The following DLG2 variants were observed in gnomAD, a reference collection of about 807,000 sequenced individuals.
The protein encoded by DLG2 is disks large homolog 2.
In DLG2, 45 loss-of-function variants were observed where a neutral mutation model predicts 132.5. The ratio of observed to expected loss-of-function variants is 0.34; its 90% CI spans 0.27 to 0.44. The LOEUF is 0.44. DLG2 is among the 20% of genes least tolerant of loss of function. DLG2 has a pLI of 1.00. For synonymous variants in DLG2, 424 were observed against 419.6 expected (o/e 1.01, Z -0.13); for missense variants, 1,045 against 1,196.9 (o/e 0.87, Z 1.87).
intron 6 of DLG2, among the ~76,000 whole-genome samples, chr11:84,535,488 T>C (rs1209565799): frequency 6.6e-6 from 1 of 152,210 alleles, no homozygotes; most frequent in Non-Finnish European, 1.5e-5. Flanking sequence ...CCATCTTGCT[T>C]ACACATGACT....
chr11:84,172,815 T>G (rs2095855248), intron 8 of DLG2, among the ~76,000 whole-genome samples: 1 of 152,162 alleles, frequency 6.6e-6, no homozygotes, highest in South Asian at 2.1e-4. Context: ...GTGCTGGGAT[T>G]ACAGGTGTGA....
chr11:84,274,092 A>G (rs1197458083), intron 7 of DLG2, among the ~76,000 whole-genome samples: 2 of 152,218 alleles, frequency 1.3e-5, no homozygotes, highest in African/African-American at 2.4e-5. Flanking sequence ...AGAAATATGC[A>G]TGTGCACTTC....
At chr11:85,097,366 G>A (rs1266364788) in intron 6 of DLG2, among the ~76,000 whole-genome samples, 2 of 152,092 alleles carry the variant, frequency 1.3e-5, no homozygotes, top group African/African-American at 4.8e-5. Context: ...CCTAACAAAA[G>A]TTCTCCAAGT....
intron 7 of DLG2, among the ~76,000 whole-genome samples, chr11:84,523,013 A>G (rs554309860): frequency 1.3e-5 from 2 of 152,322 alleles, no homozygotes; most frequent in Non-Finnish European, 2.9e-5. Flanking sequence ...CAGAAGAGAT[A>G]ATAATTTGAA....
chr11:84,432,893 A>G (rs2098989016), intron 7 of DLG2, among the ~76,000 whole-genome samples: 1 of 152,058 alleles, frequency 6.6e-6, no homozygotes, highest in Non-Finnish European at 1.5e-5. Flanking sequence ...CTGTGGTGGC[A>G]CATGTCTGCA....
At chr11:85,418,839 T>A (rs1424163387) in intron 3 of DLG2, among the ~76,000 whole-genome samples, 2 of 152,204 alleles carry the variant, frequency 1.3e-5, no homozygotes, top group African/African-American at 4.8e-5. Context: ...GCACATGAGA[T>A]GGGTCTCCTG....
chr11:84,705,524 T>C (rs2059696193), intron 6 of DLG2, among the ~76,000 whole-genome samples: 1 of 151,720 alleles, frequency 6.6e-6, no homozygotes, highest in Non-Finnish European at 1.5e-5. Context: ...TTCCAGCTGG[T>C]ATGAAACTAT....
chr11:83,591,363 G>A (rs1594008373), intron 19 of DLG2, among the ~76,000 whole-genome samples: 1 of 115,908 alleles, frequency 8.6e-6, no homozygotes, highest in East Asian at 2.4e-4. Context: ...ATGTAATCCA[G>A]CATATAAACA....
At chr11:84,625,165 G>C (rs2099620556) in intron 6 of DLG2, among the ~76,000 whole-genome samples, 1 of 152,020 alleles carries the variant, frequency 6.6e-6, no homozygotes, top group Non-Finnish European at 1.5e-5. Flanking sequence ...CGGCCCGAGA[G>C]TCAACCTTTT....
At chr11:83,558,533 C>T (rs955181176) in intron 19 of DLG2, among the ~76,000 whole-genome samples, 1 of 152,112 alleles carries the variant, frequency 6.6e-6, no homozygotes, top group Non-Finnish European at 1.5e-5. Context: ...ACTTTATATA[C>T]CTTGGCACTG....
At chr11:85,325,246 A>G (rs2081377534) in intron 3 of DLG2, among the ~76,000 whole-genome samples, 1 of 152,148 alleles carries the variant, frequency 6.6e-6, no homozygotes, top group Admixed American at 6.5e-5. Context: ...GCAGCTGGGA[A>G]GCTCGAACTG....
At chr11:84,460,602 C>A (rs1049679636) in intron 7 of DLG2, among the ~76,000 whole-genome samples, 2 of 150,296 alleles carry the variant, frequency 1.3e-5, no homozygotes, top group African/African-American at 4.9e-5. Flanking sequence ...GAATTACAAC[C>A]TTTTTAACAC....
At chr11:84,528,949 G>A (rs951306873) in intron 7 of DLG2, among the ~76,000 whole-genome samples, 2 of 152,158 alleles carry the variant, frequency 1.3e-5, no homozygotes, top group African/African-American at 4.8e-5. Flanking sequence ...GCTCATGAGA[G>A]CCTCATGTGC....
At chr11:84,611,928 C>A (rs1470542781) in intron 6 of DLG2, among the ~76,000 whole-genome samples, 9 of 152,050 alleles carry the variant, frequency 5.9e-5, no homozygotes, top group Non-Finnish European at 1.2e-4. Context: ...CAAAAAGATA[C>A]ATCATTTTTT....
intron 7 of DLG2, among the ~76,000 whole-genome samples, chr11:84,348,884 A>G (rs2098550382): frequency 1.3e-5 from 2 of 152,142 alleles, no homozygotes; most frequent in African/African-American, 4.8e-5. Context: ...GCAAACCACC[A>G]AAAGTTAGGA....
At chr11:84,288,124 A>C (rs1437943725) in intron 7 of DLG2, among the ~76,000 whole-genome samples, 4 of 152,046 alleles carry the variant, frequency 2.6e-5, no homozygotes, top group African/African-American at 9.7e-5. Flanking sequence ...AATAATTAAC[A>C]ATCCATTAAT....
chr11:83,928,890 G>T (rs1411261092), intron 15 of DLG2, among the ~76,000 whole-genome samples: 1 of 152,152 alleles, frequency 6.6e-6, no homozygotes, highest in Non-Finnish European at 1.5e-5. Flanking sequence ...ATAATTACTA[G>T]CAAGTCATTA....
intron 7 of DLG2, among the ~76,000 whole-genome samples, chr11:84,448,679 TC>T (rs1185989873): frequency 4.6e-5 from 7 of 152,044 alleles, no homozygotes; most frequent in Admixed American, 4.6e-4. Flanking sequence ...AGCCAGTAAC[TC>T]TCTTCTATGT....
chr11:85,357,540 T>C (rs1184406623), intron 3 of DLG2, among the ~76,000 whole-genome samples: 2 of 142,348 alleles, frequency 1.4e-5, no homozygotes, highest in Admixed American at 1.5e-4. Flanking sequence ...TTCTTATCTA[T>C]GACTACAAGT....
Sources: allele counts gnomAD v4.1 joint callset (sites outside exome capture counted in the v4.1 genomes callset), GRCh38; gene constraint gnomAD v4.1.1; transcripts MANE v1.5; gene names NCBI Gene and HGNC (gene_info 2026-07-23, HGNC 2026-07-21).